Variants in OR6N1 observed in about 807,000 individuals in gnomAD.
The protein encoded by OR6N1 is olfactory receptor 6N1.
For missense variants in OR6N1, 394 were observed against 371.7 expected (o/e 1.06, Z -0.49); for synonymous variants, 170 against 150.7 (o/e 1.13, Z -0.94).
At chr1:158,805,058 C>T in the OR6N1 span, among the ~76,000 whole-genome samples, 5 of 152,246 alleles carry the variant, frequency 3.3e-5, no homozygotes, top group East Asian at 9.6e-4. Flanking sequence ...AGCAAATAAA[C>T]TTTTAAAACA....
the OR6N1 span, among the ~76,000 whole-genome samples, chr1:158,783,939 T>C: frequency 6.6e-6 from 1 of 152,076 alleles, no homozygotes. Context: ...AACCGGTCTC[T>C]ACTAAAAATA....
chr1:158,788,824 A>T, the OR6N1 span, among the ~76,000 whole-genome samples: 1 of 152,124 alleles, frequency 6.6e-6, no homozygotes, highest in Non-Finnish European at 1.5e-5. Flanking sequence ...TAGCACAATC[A>T]TCTTTATTTT....
At chr1:158,816,694 A>C in the OR6N1 span, among the ~76,000 whole-genome samples, 1 of 152,214 alleles carries the variant, frequency 6.6e-6, no homozygotes, top group Non-Finnish European at 1.5e-5. Flanking sequence ...GTCTCAAAAA[A>C]CAAAAACAAA....
At chr1:158,824,424 C>T in the OR6N1 span, among the ~76,000 whole-genome samples, 6 of 152,044 alleles carry the variant, frequency 3.9e-5, no homozygotes, top group South Asian at 2.1e-4. Flanking sequence ...AGCATGAAAA[C>T]GGGCTAATAC....
At chr1:158,796,879 CTT>C in the OR6N1 span, among the ~76,000 whole-genome samples, 819 of 142,012 alleles carry the variant, frequency 5.8e-3, 5 homozygotes, top group African/African-American at 0.02. Context: ...TACAACTTAC[CTT>C]TTTTTTTTTT....
chr1:158,834,085 A>G, the OR6N1 span, among the ~76,000 whole-genome samples: 5 of 152,008 alleles, frequency 3.3e-5, no homozygotes, highest in Admixed American at 6.6e-5. Context: ...TTGTGCATGT[A>G]TGTTTTTAAT....
chr1:158,803,395 A>G, the OR6N1 span, among the ~76,000 whole-genome samples: 1 of 152,174 alleles, frequency 6.6e-6, no homozygotes, highest in East Asian at 1.9e-4. Flanking sequence ...ACTATCCTTC[A>G]CTAAATTACT....
chr1:158,778,342 G>C, the OR6N1 span, among the ~76,000 whole-genome samples: 1 of 151,856 alleles, frequency 6.6e-6, no homozygotes, highest in Non-Finnish European at 1.5e-5. Flanking sequence ...CAGGATGACT[G>C]AAAAAAAACT....
the OR6N1 span, among the ~76,000 whole-genome samples, chr1:158,810,091 A>G: frequency 5.3e-5 from 8 of 152,188 alleles, no homozygotes; most frequent in African/African-American, 1.9e-4. Context: ...TCTTCAAAAG[A>G]GAAGAGCCTT....
chr1:158,829,036 G>A, the OR6N1 span, among the ~76,000 whole-genome samples: 1 of 152,306 alleles, frequency 6.6e-6, no homozygotes, highest in South Asian at 2.1e-4. Flanking sequence ...AAGTCACTAG[G>A]CTGCACACAG....
chr1:158,825,541 T>A, the OR6N1 span, among the ~76,000 whole-genome samples: 1 of 151,704 alleles, frequency 6.6e-6, no homozygotes, highest in Non-Finnish European at 1.5e-5. Context: ...ACATCACTAA[T>A]AATTAGAGAA....
chr1:158,771,964 A>G (rs527813743), intron 1 of OR6N1, 57 bp downstream of exon 1: 1 of 152,332 alleles, frequency 6.6e-6, no homozygotes, highest in African/African-American at 2.4e-5. Flanking sequence ...TAGGTCTCTT[A>G]GTGATCAGAC....
intron 1 of OR6N1, 138 bp downstream of exon 1, chr1:158,771,883 G>A (rs1350376987): frequency 6.6e-6 from 1 of 152,192 alleles, no homozygotes; most frequent in Non-Finnish European, 1.5e-5. Context: ...TTTAAAAATA[G>A]TTTCTGTGTT....
the OR6N1 span, among the ~76,000 whole-genome samples, chr1:158,834,266 C>T: frequency 6.9e-6 from 1 of 145,902 alleles, no homozygotes; most frequent in Non-Finnish European, 1.5e-5. Flanking sequence ...GGAGTTTCGC[C>T]CTGTCGCCCA....
At chr1:158,772,442 C>A (rs2102011165), upstream of OR6N1, among the ~76,000 whole-genome samples, 1 of 152,318 alleles carries the variant, frequency 6.6e-6, no homozygotes, top group East Asian at 1.9e-4. Flanking sequence ...AAGGCAATTA[C>A]TTCCTTTAGT....
chr1:158,804,985 G>GA, the OR6N1 span, among the ~76,000 whole-genome samples: 5 of 152,010 alleles, frequency 3.3e-5, no homozygotes, highest in East Asian at 3.9e-4. Flanking sequence ...AAACATGTAA[G>GA]AAAAAATTTC....
the OR6N1 span, among the ~76,000 whole-genome samples, chr1:158,798,014 T>C: frequency 6.6e-6 from 1 of 152,042 alleles, no homozygotes; most frequent in Non-Finnish European, 1.5e-5. Flanking sequence ...TAGAAATGAA[T>C]CCAGCCAATT....
the OR6N1 span, among the ~76,000 whole-genome samples, chr1:158,816,157 C>CA: frequency 0.013 from 1,202 of 89,382 alleles, 16 homozygotes; most frequent in African/African-American, 0.039. Flanking sequence ...GACACCATCT[C>CA]AAAAAAAAAA....
chr1:158,766,761 G>A (rs1244369155), intron 1 of OR6N1, 61 bp from the exon 2 acceptor site: 1 of 1,054,622 alleles, frequency 9.5e-7, no homozygotes, highest in Non-Finnish European at 1.3e-6. Context: ...TAACAAGAAG[G>A]CAACCCTCAA....
Sources: gnomAD v4.1 joint callset for allele counts (sites outside exome capture counted in the v4.1 genomes callset) on GRCh38, gnomAD v4.1.1 for gene constraint, MANE v1.5 for transcripts, NCBI Gene and HGNC (gene_info 2026-07-23, HGNC 2026-07-21) for gene names.